The following SPPL3 variants were observed in gnomAD, a reference collection of about 807,000 sequenced individuals.
SPPL3 encodes signal peptide peptidase like 3.
In SPPL3, 5 loss-of-function variants were observed where a neutral mutation model predicts 42.4. That is an observed-to-expected ratio of 0.12 (90% CI 0.06 to 0.25). The LOEUF (loss-of-function observed/expected upper bound fraction) is 0.25. Among genes scored for constraint, SPPL3 ranks in the 10% least tolerant of loss-of-function variants. The pLI, the probability that SPPL3 is intolerant of heterozygous loss-of-function variation, is 1.00. For synonymous variants in SPPL3, 195 were observed against 181.8 expected, an observed-to-expected ratio of 1.07 and a Z score of -0.58; for missense variants, 235 against 489.0, an observed-to-expected ratio of 0.48 and a Z score of 4.90.
intron 1 of SPPL3, among the ~76,000 whole-genome samples, chr12:120,861,188 G>A (rs10849804): frequency 0.088 from 13,412 of 152,078 alleles, 1,719 homozygotes; most frequent in African/African-American, 0.29. Context: ...AGGGCCAACT[G>A]TTCTCAAATC....
intron 1 of SPPL3, among the ~76,000 whole-genome samples, chr12:120,838,181 A>G (rs1224375570): frequency 2.0e-5 from 3 of 152,244 alleles, no homozygotes; most frequent in Admixed American, 2.0e-4. Context: ...AGGCTAGAAA[A>G]AGAAATGGTC....
intron 1 of SPPL3, chr12:120,811,235 A>C: frequency 5.9e-6 from 1 of 168,068 alleles, no homozygotes; most frequent in Non-Finnish European, 1.3e-5. Context: ...CAATAATCAG[A>C]CTTTTATCCA....
chr12:120,810,981 GT>G, intron 1 of SPPL3, 95 bp from the exon 2 acceptor site: 1 of 732,000 alleles, frequency 1.4e-6, no homozygotes, highest in South Asian at 2.4e-5. Context: ...ACTGAGCTTT[GT>G]TTTTATCTTT....
At chr12:120,893,592 C>T (rs1188193116) in intron 1 of SPPL3, among the ~76,000 whole-genome samples, 1 of 152,172 alleles carries the variant, frequency 6.6e-6, no homozygotes, top group East Asian at 1.9e-4. Flanking sequence ...TCCACCCCCA[C>T]TACTCTGATC....
intron 1 of SPPL3, among the ~76,000 whole-genome samples, chr12:120,876,634 A>AAAAG (rs1483322103): frequency 6.7e-6 from 1 of 148,714 alleles, no homozygotes. Context: ...AAAAAAAAAA[A>AAAAG]AAGAAGAAAG....
chr12:120,869,332 A>G (rs1176492011), intron 1 of SPPL3, among the ~76,000 whole-genome samples: 1 of 152,220 alleles, frequency 6.6e-6, no homozygotes, highest in East Asian at 1.9e-4. Context: ...CTTGATTTAC[A>G]CAACAGTGCC....
At chr12:120,871,131 A>C (rs1872907746) in intron 1 of SPPL3, among the ~76,000 whole-genome samples, 1 of 69,406 alleles carries the variant, frequency 1.4e-5, no homozygotes, top group African/African-American at 4.3e-5. Flanking sequence ...CTCCGTCTCC[A>C]AAAAAAAAAA....
At chr12:120,832,624 C>G (rs1871463687) in intron 1 of SPPL3, among the ~76,000 whole-genome samples, 1 of 151,996 alleles carries the variant, frequency 6.6e-6, no homozygotes, top group Non-Finnish European at 1.5e-5. Flanking sequence ...TGAGATCACA[C>G]CATTGCACTC....
In SPPL3 at chr12:120,763,806, T is replaced by A. The variant is rs1391043595; in HGVS notation, c.*1193A>T. On this transcript the variant is annotated 3_prime_UTR_variant, in exon 11 of 11. Transcript: ENST00000353487. ...CAAGGACAGGATTGTGTTGCTTTTT[T>A]CCTTTTTTTTTTTCTTAAAGGAGTG... 1.3e-5 allele frequency: 1 copy of A among 79,528 alleles called. No homozygotes were observed. 4.9% of individuals were successfully genotyped at this position (79,528 alleles called of 1,614,324 possible).
At chr12:120,789,533 A>G (rs1869842299) in intron 3 of SPPL3, among the ~76,000 whole-genome samples, 1 of 151,088 alleles carries the variant, frequency 6.6e-6, no homozygotes, top group Non-Finnish European at 1.5e-5. Context: ...AAAATAAAAA[A>G]GCTTATGTTG....
chr12:120,849,286 C>CT (rs1362659926), intron 1 of SPPL3, among the ~76,000 whole-genome samples: 1 of 152,172 alleles, frequency 6.6e-6, no homozygotes, highest in Admixed American at 6.5e-5. Flanking sequence ...GGGCTCAACT[C>CT]TAACAAGCAT....
At chr12:120,807,234 T>C (rs898505205) in intron 2 of SPPL3, among the ~76,000 whole-genome samples, 4 of 152,124 alleles carry the variant, frequency 2.6e-5, no homozygotes, top group Non-Finnish European at 5.9e-5. Flanking sequence ...CTTCACACCT[T>C]ACTACTAGAA....
chr12:120,824,377 T>C (rs535156251), intron 1 of SPPL3, among the ~76,000 whole-genome samples: 14 of 152,212 alleles, frequency 9.2e-5, no homozygotes, highest in African/African-American at 3.4e-4. Context: ...AAAGTGTTAG[T>C]GATGTCTGAT....
At chr12:120,881,660 CA>C (rs1282102383) in intron 1 of SPPL3, among the ~76,000 whole-genome samples, 1 of 151,088 alleles carries the variant, frequency 6.6e-6, no homozygotes, top group African/African-American at 2.4e-5. Context: ...TACTGCCCAT[CA>C]ACAAATGAAC....
chr12:120,818,717 T>C (rs3883901), intron 1 of SPPL3, among the ~76,000 whole-genome samples: 62,579 of 152,094 alleles, frequency 0.41, 14,469 homozygotes, highest in Middle Eastern at 0.56. Context: ...AACTTTGTGG[T>C]TGCAGAACAA....
At chr12:120,791,307 T>C (rs950945291) in intron 3 of SPPL3, among the ~76,000 whole-genome samples, 162 bp downstream of exon 3, 2 of 152,244 alleles carry the variant, frequency 1.3e-5, no homozygotes, top group African/African-American at 4.8e-5. Flanking sequence ...GTTATTGAGG[T>C]ACAATTACAT....
intron 1 of SPPL3, among the ~76,000 whole-genome samples, chr12:120,875,346 G>A (rs1873052811): frequency 6.6e-6 from 1 of 152,136 alleles, no homozygotes; most frequent in South Asian, 2.1e-4. Flanking sequence ...CAACATAGAT[G>A]GTGATGAAGA....
At chr12:120,796,533 T>C (rs1870103559) in intron 2 of SPPL3, among the ~76,000 whole-genome samples, 1 of 152,226 alleles carries the variant, frequency 6.6e-6, no homozygotes, top group Non-Finnish European at 1.5e-5. Context: ...GGTCATGTTT[T>C]CCTTTTTTGC....
At chr12:120,889,834 G>A (rs745822405) in intron 1 of SPPL3, among the ~76,000 whole-genome samples, 14 of 152,256 alleles carry the variant, frequency 9.2e-5, no homozygotes, top group South Asian at 4.1e-4. Flanking sequence ...TTGAATAATA[G>A]TTTTTCACTT....
Sources: allele counts gnomAD v4.1 joint callset (sites outside exome capture counted in the v4.1 genomes callset), GRCh38; gene constraint gnomAD v4.1.1; transcripts MANE v1.5; gene names NCBI Gene and HGNC (gene_info 2026-07-23, HGNC 2026-07-21).